The following HAS3 variants were observed in gnomAD, a reference collection of about 807,000 sequenced individuals.
The protein encoded by HAS3 is hyaluronan synthase 3.
Under a neutral mutation model 50.3 loss-of-function variants are expected in HAS3, and 27 were observed. The ratio of observed to expected loss-of-function variants is 0.54; its 90% CI spans 0.40 to 0.74. The LOEUF (loss-of-function observed/expected upper bound fraction) is 0.74. Among genes scored for constraint, HAS3 ranks in the 30% least tolerant of loss-of-function variants. The probability of loss-of-function intolerance (pLI) is 0.00; values close to 1 mark genes in which losing one functional copy is unlikely to be tolerated. For missense variants in HAS3, 517 were observed against 742.8 expected (o/e 0.70, Z 3.53); for synonymous variants, 339 against 310.9 (o/e 1.09, Z -0.95).
At chr16:69,111,429 C>A (rs550022019) in intron 2 of HAS3, among the ~76,000 whole-genome samples, 1 of 152,154 alleles carries the variant, frequency 6.6e-6, no homozygotes, top group Non-Finnish European at 1.5e-5. Context: ...TGTTCTCTGA[C>A]CTCCACGCCT....
chr16:69,093,779 C>T, the HAS3 span, among the ~76,000 whole-genome samples: 1 of 152,118 alleles, frequency 6.6e-6, no homozygotes, highest in South Asian at 2.1e-4. Flanking sequence ...ATCCGCCCAC[C>T]TCAGCCTCCC....
chr16:69,107,152 GAC>G lies in HAS3; in HGVS notation c.-1+1369_-1+1370del. 5.4e-6 allele frequency: 1 copy of G among 186,896 alleles called. No homozygotes were observed. Among genetic ancestry groups the G allele is most frequent in the Non-Finnish European group, 1.0e-5 (1 of 99,730 alleles). The allele number at this position is 186,896 out of a possible 1,614,324, so 11.6% of individuals were successfully genotyped here. A position where few individuals can be genotyped will look rare whatever the true frequency, so the allele number is the denominator to read the frequency against. ...CCCACAGCCTCTGCCGGCTTGGGGT[GAC>G]ACAGCCCCCCGCCCCAGGTCTGGGC... On this transcript the variant is annotated intron_variant, in intron 1 of 3. Transcript: ENST00000569188. This position sits in a 1 kb window ranked among gnomAD's most constrained non-coding sequence, Gnocchi z 5.5.
intron 2 of HAS3, 85 bp downstream of exon 2, chr16:69,110,116 G>T: frequency 7.3e-7 from 1 of 1,365,634 alleles, no homozygotes; most frequent in South Asian, 1.4e-5. Context: ...CTGAGGTCTG[G>T]TCTAGGTCCC....
chr16:69,114,194 A>G lies in HAS3; in HGVS notation c.739-149A>G. 1 of 1,191,428 alleles carries G rather than the reference A, an allele frequency of 8.4e-7. No individual in the cohort carries two copies. The highest frequency in any genetic ancestry group is 1.2e-6 in the Non-Finnish European group (1 of 863,860). The allele number at this position is 1,191,428 out of a possible 1,614,324, so 73.8% of individuals were successfully genotyped here. ...GGATTGTGTGTGGTTGGCTCCTCTG[A>G]GCCTCAGGTTTCCCAGCTCCAAAGG... On this transcript the variant is annotated intron_variant, in intron 3 of 3. Transcript: ENST00000569188. This position sits in a 1 kb window ranked among gnomAD's most constrained non-coding sequence, Gnocchi z 6.4.
chr16:69,086,149 T>A, the HAS3 span, among the ~76,000 whole-genome samples: 1 of 151,792 alleles, frequency 6.6e-6, no homozygotes, highest in Middle Eastern at 3.2e-3. Context: ...ATTACAGGCA[T>A]GAGCTACCAT....
chr16:69,095,968 C>T, the HAS3 span, among the ~76,000 whole-genome samples: 1 of 151,780 alleles, frequency 6.6e-6, no homozygotes, highest in Non-Finnish European at 1.5e-5. Flanking sequence ...GTAATCCCAG[C>T]ACTTTGGAGG....
chr16:69,114,651 G>A lies in HAS3; in HGVS notation c.1047G>A (p.Arg349=), dbSNP rs2152260396. Residue 349 remains arginine (R), a synonymous_variant, in exon 4 of 4, where the codon CGG becomes CGA. Coordinates refer to ENST00000569188, the MANE Select transcript of HAS3 (RefSeq NM_001199280.2). The surrounding 1 kb of genome is among the most constrained non-coding windows in gnomAD (Gnocchi z 6.4). ...CLTETPTKYL[R]WLNQQTRWSK... ...CAGAGACCCCCACTAAGTACCTCCGGTGGCTCAACCAGCAAACCCGCTGGA... is the reference window on the plus strand; with the variant it reads ...CAGAGACCCCCACTAAGTACCTCCGATGGCTCAACCAGCAAACCCGCTGGA... 5 of 1,614,050 alleles carry A rather than the reference G, an allele frequency of 3.1e-6. No individual in the cohort carries two copies. The East Asian group carries it at 1.1e-4, about 36-fold the overall frequency.
chr16:69,096,634 T>TG, the HAS3 span, among the ~76,000 whole-genome samples: 1 of 144,596 alleles, frequency 6.9e-6, no homozygotes, highest in South Asian at 2.2e-4. Context: ...TTTTTTTTTT[T>TG]GGAGACGGAG....
At chr16:69,118,683 C>T (rs147852683), downstream of HAS3, 1,349 of 670,664 alleles carry the variant, frequency 2.0e-3, 10 homozygotes, top group African/African-American at 0.018. Context: ...CCACAAATAA[C>T]ATCTCACCTT....
intron 3 of HAS3, 91 bp downstream of exon 3, chr16:69,113,633 T>A: frequency 1.3e-6 from 1 of 765,594 alleles, no homozygotes; most frequent in Non-Finnish European, 2.2e-6. Context: ...TGTCTTGACT[T>A]CCTAGTATTG....
upstream of HAS3, among the ~76,000 whole-genome samples, chr16:69,102,150 C>T (rs759564785): frequency 2.0e-5 from 3 of 152,174 alleles, no homozygotes; most frequent in Non-Finnish European, 2.9e-5. Context: ...GGGACCAGCC[C>T]GAGATCTCCA....
chr16:69,114,579 G>C lies in HAS3; in HGVS notation c.975G>C (p.Leu325=). The C allele has an allele frequency of 1.9e-6, 3 of 1,614,078 alleles. No homozygotes were observed. Among genetic ancestry groups the C allele is most frequent in the Non-Finnish European group, 2.5e-6 (3 of 1,180,022 alleles). ...ACCGGCACCTCACCAACCGAGTCCT[G>C]AGCCTTGGCTACCGAACTAAGTATA... ...GDDRHLTNRV[L]SLGYRTKYTA... is the part of the protein sequence containing the mutation. Residue 325 remains leucine (L), a synonymous_variant, in exon 4 of 4, where the codon CTG becomes CTC. Coordinates refer to ENST00000569188, the MANE Select transcript of HAS3 (RefSeq NM_001199280.2). The surrounding 1 kb of genome is among the most constrained non-coding windows in gnomAD (Gnocchi z 6.4).
chr16:69,107,666 C>G lies in HAS3; in HGVS notation c.1-1730C>G. 1 of 985,506 alleles carries G rather than the reference C, an allele frequency of 1.0e-6. No individual in the cohort carries two copies. The allele number at this position is 985,506 out of a possible 1,614,324, so 61.0% of individuals were successfully genotyped here. A position where few individuals can be genotyped will look rare whatever the true frequency, so the allele number is the denominator to read the frequency against. Reference sequence around the variant, plus strand: ...TTCCCCTACCCAGAGCGCAGGCAGGCAGGGGGGTCCCGCCGCGCCCCTTCA... The same window carrying G: ...TTCCCCTACCCAGAGCGCAGGCAGGGAGGGGGGTCCCGCCGCGCCCCTTCA... On this transcript the variant is annotated intron_variant, in intron 1 of 3. Transcript: ENST00000569188. The surrounding 1 kb of genome is among the most constrained non-coding windows in gnomAD (Gnocchi z 5.5).
At chr16:69,096,830 G>T in the HAS3 span, among the ~76,000 whole-genome samples, 4 of 151,760 alleles carry the variant, frequency 2.6e-5, no homozygotes, top group Non-Finnish European at 4.4e-5. Context: ...TGTTAGCCAG[G>T]ATGGGCTCAA....
At chr16:69,089,857 G>T in the HAS3 span, among the ~76,000 whole-genome samples, 17 of 152,112 alleles carry the variant, frequency 1.1e-4, no homozygotes, top group Non-Finnish European at 2.2e-4. Flanking sequence ...TGCCCTCTGC[G>T]GTTCTTTGTA....
At position 69,116,868 on chromosome 16, in the gene HAS3, G is replaced by T. The variant is rs958387252; in HGVS notation, c.*1602G>T. The T allele has an allele frequency of 3.5e-5, 34 of 985,340 alleles. No individual in the cohort carries two copies. Among genetic ancestry groups the T allele is most frequent in the Non-Finnish European group, 4.0e-5 (33 of 829,964 alleles). The allele number at this position is 985,340 out of a possible 1,614,324, so 61.0% of individuals were successfully genotyped here. A position where few individuals can be genotyped will look rare whatever the true frequency, so the allele number is the denominator to read the frequency against. On this transcript the variant is annotated 3_prime_UTR_variant, in exon 4 of 4. Transcript: ENST00000569188. The stretch of plus-strand genomic sequence containing the variant: ...TCAGAGGGGCCAGCTAACCCGTGCA[G>T]AACCAGCACTAAGGTGGACAGCAGA...
chr16:69,103,617 A>G (rs960908947), upstream of HAS3, among the ~76,000 whole-genome samples: 4 of 151,846 alleles, frequency 2.6e-5, no homozygotes, highest in Non-Finnish European at 5.9e-5. Flanking sequence ...GGCTGGTCTC[A>G]AACTCCCGAC....
Position 69,107,495 on chromosome 16 carries a change from G to A in HAS3, c.-1+1708G>A, listed in dbSNP as rs996654304. On this transcript the variant is annotated intron_variant, in intron 1 of 3. Coordinates refer to ENST00000569188, the MANE Select transcript of HAS3 (RefSeq NM_001199280.2). This position sits in a 1 kb window ranked among gnomAD's most constrained non-coding sequence, Gnocchi z 5.5. ...GCGGCACGTGGGTGTGGCCGGCGCC[G>A]CCTTTGCCAAGAGGCGAGGCTCGAG... is the stretch of plus-strand genomic sequence containing the variant. 3.5e-5 allele frequency: 34 copies of A among 985,154 alleles called. No individual in the cohort carries two copies. Among genetic ancestry groups the A allele is most frequent in the Non-Finnish European group, 3.4e-5 (28 of 829,608 alleles). 61.0% of individuals were successfully genotyped at this position (985,154 alleles called of 1,614,324 possible). A position where few individuals can be genotyped will look rare whatever the true frequency, so the allele number is the denominator to read the frequency against.
chr16:69,092,177 A>T, the HAS3 span, among the ~76,000 whole-genome samples: 1 of 152,200 alleles, frequency 6.6e-6, no homozygotes, highest in Non-Finnish European at 1.5e-5. Flanking sequence ...AGCCAGTAAG[A>T]AGCAGCCAAA....
Sources: allele counts gnomAD v4.1 joint callset (sites outside exome capture counted in the v4.1 genomes callset), GRCh38; gene constraint gnomAD v4.1.1; non-coding constraint Gnocchi (gnomAD v3.1); transcripts MANE v1.5; gene names NCBI Gene and HGNC (gene_info 2026-07-23, HGNC 2026-07-21).